Variants in CEP192 observed in about 807,000 individuals in gnomAD.
CEP192 encodes the protein centrosomal protein of 192 kDa.
In CEP192, 151 loss-of-function variants were observed where a neutral mutation model predicts 271.8. The observed-to-expected ratio is 0.56, with a 90% CI of 0.49 to 0.64. The LOEUF (loss-of-function observed/expected upper bound fraction) is 0.64, where lower values mean the gene tolerates loss of function less well. CEP192 is among the 30% of genes least tolerant of loss of function. The probability of loss-of-function intolerance (pLI) is 0.00; values close to 1 mark genes in which losing one functional copy is unlikely to be tolerated. For synonymous variants in CEP192, 995 were observed against 1,076.5 expected (o/e 0.92, Z 1.48); for missense variants, 2,910 against 3,020.5 (o/e 0.96, Z 0.86).
chr18:13,069,887 A>G lies in CEP192; in HGVS notation c.5174+31A>G, dbSNP rs759575675. ...ATAAAAATGTTATAATGGACCGGGCACAGTGGCTCATGCCTGTAATCCCAG... is the reference window on the plus strand; with the variant it reads ...ATAAAAATGTTATAATGGACCGGGCGCAGTGGCTCATGCCTGTAATCCCAG... On this transcript the variant is annotated intron_variant, in intron 27 of 44. Transcript: ENST00000506447. 5 of 1,303,738 alleles carry G rather than the reference A, an allele frequency of 3.8e-6. No homozygotes were observed. In the South Asian group the frequency reaches 6.0e-5, roughly 16 times the overall value. 80.8% of individuals were successfully genotyped at this position (1,303,738 alleles called of 1,614,324 possible).
intron 17 of CEP192, among the ~76,000 whole-genome samples, chr18:13,050,735 A>G (rs954770214): frequency 1.3e-5 from 2 of 151,956 alleles, no homozygotes; most frequent in African/African-American, 4.8e-5. Flanking sequence ...ACGTGCCACC[A>G]TGCCTGGCTA....
rs57663388 is a variant in CEP192 at position 13,082,432 on chromosome 18, C to CTTTTTTTTTTTTTTT, written c.5617-4574_5617-4560dup. ...TCAGAGACTAGGATTGCAACCCCTG[C>CTTTTTTTTTTTTTTT]TTTTTTTTTTTTTTTTTTTTTTTTT... On this transcript the variant is annotated intron_variant, in intron 30 of 44. Transcript: ENST00000506447. 3.3e-3 allele frequency among the ~76,000 whole-genome samples: 167 copies of CTTTTTTTTTTTTTTT among 49,954 alleles called. 2 individuals are homozygous for CTTTTTTTTTTTTTTT. Among genetic ancestry groups the CTTTTTTTTTTTTTTT allele is most frequent in the African/African-American group, 3.9e-3 (40 of 10,318 alleles). The allele number at this position is 49,954 out of a possible 152,430, so 32.8% of individuals were successfully genotyped here.
intron 10 of CEP192, 95 bp downstream of exon 10, chr18:13,030,097 G>A (rs758385798): frequency 5.8e-6 from 6 of 1,032,192 alleles, no homozygotes; most frequent in Non-Finnish European, 6.9e-6. Context: ...AGTCTTTCCT[G>A]TTGAAATATT....
chr18:13,080,754 C>G (rs1480935088), intron 30 of CEP192, among the ~76,000 whole-genome samples: 48 of 152,158 alleles, frequency 3.2e-4, no homozygotes, highest in South Asian at 8.3e-4. Flanking sequence ...TGCCCATTCA[C>G]TATGATATTG....
intron 31 of CEP192, 61 bp from the exon 32 acceptor site, chr18:13,087,470 C>A: frequency 9.9e-7 from 1 of 1,008,996 alleles, no homozygotes; most frequent in Non-Finnish European, 1.4e-6. Context: ...ATTGTTGAAT[C>A]AGATTGAAAT....
intron 9 of CEP192, among the ~76,000 whole-genome samples, chr18:13,020,024 AG>A (rs760727476): frequency 5.3e-5 from 8 of 151,972 alleles, no homozygotes; most frequent in Non-Finnish European, 8.8e-5. Flanking sequence ...TTTGTCAGGC[AG>A]GTCTCAAACT....
intron 4 of CEP192, among the ~76,000 whole-genome samples, chr18:13,010,116 C>T (rs563710536): frequency 3.8e-4 from 58 of 152,200 alleles, no homozygotes; most frequent in African/African-American, 1.4e-3. Context: ...GCACTCCAGC[C>T]TGGGAGACAG....
chr18:13,020,762 T>C (rs2034944561), intron 9 of CEP192, among the ~76,000 whole-genome samples: 1 of 152,222 alleles, frequency 6.6e-6, no homozygotes, highest in African/African-American at 2.4e-5. Flanking sequence ...TTTTAAATTA[T>C]AGTTATCCTA....
At chr18:13,124,459 T>G in intron 44 of CEP192, 173 bp from the exon 45 acceptor site, 1 of 544,016 alleles carries the variant, frequency 1.8e-6, no homozygotes, top group Non-Finnish European at 3.1e-6. Flanking sequence ...TTTTCTCTCC[T>G]TTGTGTTATT....
chr18:13,000,257 GC>G (rs1441093591), intron 2 of CEP192: 1 of 151,822 alleles, frequency 6.6e-6, no homozygotes, highest in Non-Finnish European at 1.5e-5. Flanking sequence ...ACCATACCTG[GC>G]CTCTGCTCTT....
Position 12,999,477 on chromosome 18 carries a change from A to G in CEP192, c.53A>G (p.Asn18Ser), listed in dbSNP as rs2033471270. ...AEESFPSFLT[N>S]SLFGNSGILE... ...GAATCATTTCCAAGCTTTCTCACCA[A>G]TTCATTATTTGGTAACAGTGGGATT... The change falls in exon 2 of 45, where the codon AAT (asparagine) becomes AGT (serine). Residue 18 changes from asparagine (N) to serine (S), a missense_variant. By Grantham distance (46) the Asn-to-Ser change is conservative. Transcript: ENST00000506447. 4.5e-6 allele frequency: 7 copies of G among 1,549,856 alleles called. No individual in the cohort carries two copies. Among genetic ancestry groups the G allele is most frequent in the South Asian group, 1.2e-5 (1 of 83,526 alleles).
rs767292227 is a variant in CEP192, at chr18:13,099,579, A to G, written c.6661A>G (p.Lys2221Glu). The change falls in exon 37 of 45, where the codon AAG (lysine) becomes GAG (glutamate). Residue 2221 changes from lysine (K) to glutamate (E), a missense_variant and splice_region_variant. Transcript: ENST00000506447. The part of the protein sequence containing the change: ...LIYIHCDDGQ[K>E]KIVKVQIRED... ...CTATATACACTGTGACGATGGACAG[A>G]AGGTACTTTTAAAAGTGGTTTGGTT... 2 of 1,515,982 alleles carry G rather than the reference A, an allele frequency of 1.3e-6. No individual in the cohort carries two copies. Among genetic ancestry groups the G allele is most frequent in the South Asian group, 2.5e-5 (2 of 80,852 alleles). The allele number at this position is 1,515,982 out of a possible 1,614,324, so 93.9% of individuals were successfully genotyped here. A position where few individuals can be genotyped will look rare whatever the true frequency, so the allele number is the denominator to read the frequency against.
chr18:13,082,780 T>C (rs1434077673), intron 30 of CEP192, among the ~76,000 whole-genome samples: 1 of 152,216 alleles, frequency 6.6e-6, no homozygotes, highest in Non-Finnish European at 1.5e-5. Flanking sequence ...TTTCCATGTT[T>C]AGTGCTTCCT....
chr18:13,056,046 G>A lies in CEP192; in HGVS notation c.3456G>A (p.Glu1152=). 1.2e-6 allele frequency: 2 copies of A among 1,614,232 alleles called. No individual in the cohort carries two copies. Among genetic ancestry groups the A allele is most frequent in the South Asian group, 2.2e-5 (2 of 91,082 alleles). ...SKSGNLLETS[E]VGWTSNPEEL... The stretch of plus-strand genomic sequence containing the variant: ...GTGGAAATCTGTTGGAAACCAGTGA[G>A]GTAGGTTGGACATCAAACCCTGAGG... Residue 1152 remains glutamate, a synonymous_variant, in exon 19 of 45, where the codon GAG becomes GAA. Coordinates refer to ENST00000506447, the MANE Select transcript of CEP192 (RefSeq NM_032142.4).
rs775407089 is a variant in CEP192, at chr18:13,100,390, C to T, written c.6749C>T (p.Ser2250Phe). 21 of 1,613,898 alleles carry T rather than the reference C, an allele frequency of 1.3e-5. No homozygotes were observed. Among genetic ancestry groups the T allele is most frequent in the Non-Finnish European group, 1.7e-5 (20 of 1,179,778 alleles). ...RLTSKPFGILSPVSEPSVSHL... is the reference protein window; with the variant it reads ...RLTSKPFGILFPVSEPSVSHL... ...ACCTCCAAACCATTTGGAATTCTTT[C>T]CCCAGTATCTGAGCCTTCAGTTAGT... Residue 2250 changes from serine to phenylalanine, a missense_variant, in exon 38 of 45, where the codon TCC (serine) becomes TTC (phenylalanine). Ser to Phe is a radical substitution (Grantham distance 155). Transcript: ENST00000506447.
chr18:13,014,076 G>A (rs1190366778), intron 5 of CEP192, among the ~76,000 whole-genome samples: 1 of 152,178 alleles, frequency 6.6e-6, no homozygotes, highest in Non-Finnish European at 1.5e-5. Context: ...AGATTGTACT[G>A]CTCATAAAGC....
In CEP192 at chr18:13,089,373, C is replaced by T. The variant is rs61466343; in HGVS notation, c.5994-83C>T. On this transcript the variant is annotated intron_variant, in intron 32 of 44. Coordinates refer to ENST00000506447, the MANE Select transcript of CEP192 (RefSeq NM_032142.4). ...ATATATCAGTATTAGTGGGATTTGC[C>T]AAATGCATTAGTGAAAATCTAATTA... The T allele has an allele frequency of 0.012, 7,764 of 648,938 alleles. 430 individuals carry two copies. The African/African-American group carries it at 0.12, about 10-fold the overall frequency. 40.2% of individuals were successfully genotyped at this position (648,938 alleles called of 1,614,324 possible).
chr18:13,069,459 A>G (rs1324081877), intron 26 of CEP192, among the ~76,000 whole-genome samples: 1 of 152,240 alleles, frequency 6.6e-6, no homozygotes, highest in African/African-American at 2.4e-5. Flanking sequence ...GAGTTGGTGA[A>G]GAATGATCCG....
intron 30 of CEP192, among the ~76,000 whole-genome samples, chr18:13,084,943 G>T (rs1223685210): frequency 6.6e-6 from 1 of 151,040 alleles, no homozygotes; most frequent in Non-Finnish European, 1.5e-5. Flanking sequence ...AGCCTCCCAA[G>T]TAGCTGAGAC....
Sources: allele counts gnomAD v4.1 joint callset (sites outside exome capture counted in the v4.1 genomes callset), GRCh38; gene constraint gnomAD v4.1.1; transcripts MANE v1.5; gene names NCBI Gene and HGNC (gene_info 2026-07-23, HGNC 2026-07-21).